SEPTIN7: variants seen among roughly 807,000 people sequenced by gnomAD.
The protein encoded by SEPTIN7 is septin-7.
A neutral mutation model predicts 63.3 loss-of-function variants in SEPTIN7; 10 were observed. The observed-to-expected ratio is 0.16, with a 90% CI of 0.10 to 0.27. The LOEUF (loss-of-function observed/expected upper bound fraction) is 0.27. SEPTIN7 is among the 10% of genes least tolerant of loss of function. The pLI, the probability that SEPTIN7 is intolerant of heterozygous loss-of-function variation, is 1.00. For missense variants in SEPTIN7, 310 were observed against 521.0 expected (o/e 0.59, Z 3.94); for synonymous variants, 131 against 165.3 (o/e 0.79, Z 1.59).
intron 1 of SEPTIN7, among the ~76,000 whole-genome samples, chr7:35,828,100 A>T (rs1234748925): frequency 2.6e-5 from 4 of 152,298 alleles, no homozygotes; most frequent in Admixed American, 6.5e-5. Flanking sequence ...ATTTTATTTT[A>T]AAAAATATTT....
intron 5 of SEPTIN7, 43 bp downstream of exon 5, chr7:35,872,809 T>G: frequency 7.6e-7 from 1 of 1,319,668 alleles, no homozygotes; most frequent in Non-Finnish European, 1.1e-6. Flanking sequence ...GCATTTGGGG[T>G]ACTGGGGTGG....
intron 4 of SEPTIN7, among the ~76,000 whole-genome samples, chr7:35,865,502 G>C (rs1303720032): frequency 6.6e-6 from 1 of 151,996 alleles, no homozygotes. Context: ...TCCATTGTGT[G>C]AATGTATCAG....
At chr7:35,850,335 A>G (rs1253113398) in intron 3 of SEPTIN7, among the ~76,000 whole-genome samples, 2 of 152,178 alleles carry the variant, frequency 1.3e-5, no homozygotes, top group Non-Finnish European at 2.9e-5. Flanking sequence ...TTGAACTAGG[A>G]TTTGAATTTG....
At chr7:35,880,208 C>CT (rs1169840776) in intron 7 of SEPTIN7, among the ~76,000 whole-genome samples, 14 of 96,430 alleles carry the variant, frequency 1.5e-4, no homozygotes, top group East Asian at 3.1e-4. Flanking sequence ...CTTTTCTTTT[C>CT]TTTTTTTTTC....
At chr7:35,844,767 T>C (rs1206041665) in intron 3 of SEPTIN7, among the ~76,000 whole-genome samples, 7 of 152,280 alleles carry the variant, frequency 4.6e-5, no homozygotes, top group East Asian at 1.9e-4. Flanking sequence ...CACACCAGGC[T>C]AATTTTTGTA....
At chr7:35,895,985 A>G (rs533979217) in intron 11 of SEPTIN7, among the ~76,000 whole-genome samples, 2 of 152,004 alleles carry the variant, frequency 1.3e-5, no homozygotes, top group South Asian at 2.1e-4. Flanking sequence ...TAATTTTTGT[A>G]TTTTTAGTAA....
At chr7:35,889,406 T>C (rs1376730621) in intron 10 of SEPTIN7, among the ~76,000 whole-genome samples, 2 of 152,140 alleles carry the variant, frequency 1.3e-5, no homozygotes, top group East Asian at 3.8e-4. Flanking sequence ...GAGAATTGCA[T>C]GGAAATGTCA....
At chr7:35,900,070 AC>A (rs1788225089) in intron 12 of SEPTIN7, 2 of 152,212 alleles carry the variant, frequency 1.3e-5, no homozygotes, top group South Asian at 4.1e-4. Context: ...TTTTGTAATT[AC>A]CGCATAAAAT....
At chr7:35,893,294 G>C (rs1787760541) in intron 11 of SEPTIN7, among the ~76,000 whole-genome samples, 1 of 152,088 alleles carries the variant, frequency 6.6e-6, no homozygotes, top group African/African-American at 2.4e-5. Context: ...AAGAATTTTG[G>C]AATGGAAGGT....
chr7:35,845,596 G>A (rs1784620267), intron 3 of SEPTIN7, among the ~76,000 whole-genome samples: 2 of 152,152 alleles, frequency 1.3e-5, no homozygotes, highest in Non-Finnish European at 1.5e-5. Context: ...GAGTAGCTTA[G>A]ATTCTTAAAA....
intron 1 of SEPTIN7, among the ~76,000 whole-genome samples, chr7:35,812,329 T>C (rs1788780054): frequency 1.5e-5 from 2 of 135,510 alleles, no homozygotes. Context: ...CACCCCCCCA[T>C]TTTTTTTTTT....
intron 4 of SEPTIN7, 139 bp downstream of exon 4, chr7:35,863,797 T>C (rs991382857): frequency 4.2e-6 from 2 of 481,024 alleles, no homozygotes; most frequent in Admixed American, 4.0e-5. Flanking sequence ...AAATATGACT[T>C]CATAAAATTT....
chr7:35,889,072 CTG>C (rs1408968464), intron 10 of SEPTIN7, among the ~76,000 whole-genome samples: 1 of 152,122 alleles, frequency 6.6e-6, no homozygotes, highest in Non-Finnish European at 1.5e-5. Context: ...ATGATGTCAC[CTG>C]TGACGTATAC....
intron 1 of SEPTIN7, among the ~76,000 whole-genome samples, chr7:35,821,272 GTTGAT>G (rs1789394489): frequency 6.6e-6 from 1 of 152,168 alleles, no homozygotes; most frequent in African/African-American, 2.4e-5. Flanking sequence ...TTTAAGTTAA[GTTGAT>G]TTGAACAGTT....
At chr7:35,820,221 T>G (rs1789330516) in intron 1 of SEPTIN7, among the ~76,000 whole-genome samples, 1 of 152,232 alleles carries the variant, frequency 6.6e-6, no homozygotes, top group South Asian at 2.1e-4. Context: ...TTTAACAGTT[T>G]GGTTATGTGT....
chr7:35,862,488 C>T (rs774667142), intron 3 of SEPTIN7, among the ~76,000 whole-genome samples: 54 of 152,132 alleles, frequency 3.5e-4, no homozygotes, highest in Middle Eastern at 3.4e-3. Flanking sequence ...TCTAATCTTT[C>T]TGCTTTCAAG....
chr7:35,912,223 G>A, the SEPTIN7 span, among the ~76,000 whole-genome samples: 4 of 152,312 alleles, frequency 2.6e-5, 1 homozygote, highest in South Asian at 6.2e-4. Flanking sequence ...TAACGCCCAC[G>A]CTGGAAGGTT....
intron 7 of SEPTIN7, 48 bp downstream of exon 7, chr7:35,879,988 T>C (rs1237677719): frequency 9.1e-7 from 1 of 1,095,240 alleles, no homozygotes; most frequent in Non-Finnish European, 1.4e-6. Context: ...TCTCATAATT[T>C]GCAGTTTTTA....
chr7:35,884,732 AT>A (rs944987179), intron 9 of SEPTIN7, among the ~76,000 whole-genome samples: 4 of 152,170 alleles, frequency 2.6e-5, no homozygotes, highest in African/African-American at 7.2e-5. Flanking sequence ...GATATCTCAT[AT>A]TTAGAGTAAA....
Sources: gnomAD v4.1 joint callset for allele counts (sites outside exome capture counted in the v4.1 genomes callset) on GRCh38, gnomAD v4.1.1 for gene constraint, MANE v1.5 for transcripts, NCBI Gene and HGNC (gene_info 2026-07-23, HGNC 2026-07-21) for gene names.